FILIP1: variants seen among roughly 807,000 people sequenced by gnomAD.
FILIP1 encodes the protein filamin A interacting protein 1.
A neutral mutation model predicts 102.1 loss-of-function variants in FILIP1; 61 were observed. The ratio of observed to expected loss-of-function variants is 0.60; its 90% confidence interval spans 0.49 to 0.74. FILIP1 has a LOEUF of 0.74. Among genes scored for constraint, FILIP1 ranks in the 30% least tolerant of loss-of-function variants. The probability of loss-of-function intolerance (pLI) is 0.00; values close to 1 mark genes in which losing one functional copy is unlikely to be tolerated. For missense variants in FILIP1, 1,314 were observed against 1,441.2 expected (o/e 0.91, Z 1.43); for synonymous variants, 491 against 526.9 (o/e 0.93, Z 0.93).
At position 75,354,570 on chromosome 6, in the gene FILIP1, CAA is replaced by C. The variant is rs57366739; in HGVS notation, c.451-855_451-854del. On this transcript the variant is annotated intron_variant, in intron 3 of 5. Transcript: ENST00000237172. ...TGGGCAACAGAGGGAGACTCCATCTCAAAAAAAAAAAAAAAAAAAACCTTTTA... is the reference window on the plus strand; with the variant it reads ...TGGGCAACAGAGGGAGACTCCATCTCAAAAAAAAAAAAAAAAAACCTTTTA... Among the ~76,000 whole-genome samples, 547 of 97,512 alleles carry C rather than the reference CAA, an allele frequency of 5.6e-3. 4 individuals carry two copies. The highest frequency in any genetic ancestry group is 0.011 in the African/African-American group (273 of 25,448). The allele number at this position is 97,512 out of a possible 152,430, so 64.0% of individuals were successfully genotyped here. A position where few individuals can be genotyped will look rare whatever the true frequency, so the allele number is the denominator to read the frequency against.
intron 3 of FILIP1, among the ~76,000 whole-genome samples, chr6:75,354,343 C>G (rs1246692755): frequency 6.6e-6 from 1 of 152,172 alleles, no homozygotes; most frequent in African/African-American, 2.4e-5. Flanking sequence ...GAGGCTGAGG[C>G]AGGCAGATCA....
chr6:75,294,675 G>T (rs1772623751), exon 7 of FILIP1: 3 of 151,742 alleles, frequency 2.0e-5, no homozygotes, highest in Admixed American at 2.0e-4. Context: ...CTGGGTTTTG[G>T]GGGTTTTTGT....
intron 1 of FILIP1, among the ~76,000 whole-genome samples, chr6:75,431,085 A>T (rs2149707984): frequency 6.6e-6 from 1 of 152,340 alleles, no homozygotes; most frequent in South Asian, 2.1e-4. Flanking sequence ...TGTCCTTCAT[A>T]CGGCACTGTT....
rs1779100710 is a variant in FILIP1 at position 75,464,105 on chromosome 6, C to T, written c.-7+29309G>A. On this transcript the variant is annotated intron_variant, in intron 1 of 5. Transcript: ENST00000237172. Reference sequence around the variant, plus strand: ...GTCTGTCCTTAAGAATCCAAGACATCAGACCCTTGACGTCATCCTTTTAAG... The same window carrying T: ...GTCTGTCCTTAAGAATCCAAGACATTAGACCCTTGACGTCATCCTTTTAAG... Among the ~76,000 whole-genome samples the T allele has an allele frequency of 3.3e-5, 5 of 152,292 alleles. No individual in the cohort carries two copies. In the South Asian group the frequency reaches 1.0e-3, roughly 32 times the overall value.
chr6:75,319,613 A>G (rs1205938464), intron 4 of FILIP1: 16 of 443,832 alleles, frequency 3.6e-5, no homozygotes, highest in South Asian at 1.9e-4. Flanking sequence ...GGCGGATCAC[A>G]AGGTCAGGAG....
intron 2 of FILIP1, among the ~76,000 whole-genome samples, chr6:75,384,482 C>T (rs1383934390): frequency 1.3e-5 from 2 of 152,148 alleles, no homozygotes; most frequent in African/African-American, 4.8e-5. Context: ...ATTCCTTTAG[C>T]AGCTATGTGC....
intron 2 of FILIP1, among the ~76,000 whole-genome samples, chr6:75,372,697 G>A (rs1554204881): frequency 7.5e-5 from 3 of 40,066 alleles, no homozygotes; most frequent in South Asian, 8.6e-4. Context: ...GAAAGAAAGA[G>A]AAAGAAAGAA....
intron 2 of FILIP1, among the ~76,000 whole-genome samples, chr6:75,380,058 A>G (rs923049388): frequency 1.3e-5 from 2 of 152,196 alleles, no homozygotes; most frequent in Non-Finnish European, 2.9e-5. Context: ...CCAATAGCAG[A>G]TACTTCATAA....
intron 2 of FILIP1, among the ~76,000 whole-genome samples, chr6:75,407,614 T>A (rs1169212645): frequency 6.6e-6 from 1 of 152,020 alleles, no homozygotes; most frequent in Non-Finnish European, 1.5e-5. Flanking sequence ...ATGTCAAGAG[T>A]CAATGTGTCA....
At chr6:75,432,118 T>C (rs1349210490) in intron 1 of FILIP1, among the ~76,000 whole-genome samples, 2 of 152,220 alleles carry the variant, frequency 1.3e-5, no homozygotes, top group Non-Finnish European at 2.9e-5. Flanking sequence ...ATAGTTCCAT[T>C]GTTTTTATTA....
chr6:75,399,942 CTT>C (rs2149669899), intron 2 of FILIP1, among the ~76,000 whole-genome samples: 1 of 152,160 alleles, frequency 6.6e-6, no homozygotes, highest in African/African-American at 2.4e-5. Context: ...GGGTTGGAGA[CTT>C]TTAAAGGAAA....
intron 6 of FILIP1, chr6:75,297,082 T>C (rs1346551813): frequency 6.6e-6 from 1 of 152,158 alleles, no homozygotes; most frequent in East Asian, 1.9e-4. Context: ...AATAGTTTCT[T>C]CATCCAAAAA....
At chr6:75,312,295 A>T (rs1180078276) in intron 5 of FILIP1, 102 bp downstream of exon 5, 1 of 1,133,076 alleles carries the variant, frequency 8.8e-7, no homozygotes, top group East Asian at 2.4e-5. Flanking sequence ...TTCAGGTAGC[A>T]TGAGAAGCAT....
chr6:75,422,241 C>T (rs1364617995), intron 1 of FILIP1, among the ~76,000 whole-genome samples: 3 of 151,934 alleles, frequency 2.0e-5, no homozygotes, highest in Non-Finnish European at 4.4e-5. Context: ...GTCACTGTCA[C>T]TACTAGACAT....
chr6:75,432,134 T>C (rs2149709080), intron 1 of FILIP1, among the ~76,000 whole-genome samples: 1 of 152,336 alleles, frequency 6.6e-6, no homozygotes, highest in Admixed American at 6.5e-5. Flanking sequence ...TATTAAATAG[T>C]TGTCAAGTGC....
At chr6:75,331,613 G>C (rs558983269) in intron 4 of FILIP1, among the ~76,000 whole-genome samples, 10 of 152,184 alleles carry the variant, frequency 6.6e-5, no homozygotes, top group African/African-American at 2.4e-4. Flanking sequence ...GCAGTTGTCG[G>C]CCTTCCCAAT....
chr6:75,432,720 T>C (rs1777867771), intron 1 of FILIP1, among the ~76,000 whole-genome samples: 1 of 152,182 alleles, frequency 6.6e-6, no homozygotes, highest in South Asian at 2.1e-4. Context: ...CTAGGGTACA[T>C]GTGCATAACA....
intron 1 of FILIP1, among the ~76,000 whole-genome samples, chr6:75,429,042 C>T (rs1429459960): frequency 6.6e-6 from 1 of 152,030 alleles, no homozygotes; most frequent in Admixed American, 6.6e-5. Context: ...GAGTCAATTG[C>T]CATGTGTTTA....
intron 2 of FILIP1, among the ~76,000 whole-genome samples, chr6:75,397,543 C>G (rs1286180991): frequency 0.011 from 139 of 13,144 alleles, no homozygotes; most frequent in Non-Finnish European, 0.017. Flanking sequence ...ATAAGACACA[C>G]ACACACACAC....
Sources: allele counts gnomAD v4.1 joint callset (sites outside exome capture counted in the v4.1 genomes callset), GRCh38; gene constraint gnomAD v4.1.1; transcripts MANE v1.5; gene names NCBI Gene and HGNC (gene_info 2026-07-23, HGNC 2026-07-21).